MOB4: variants seen among roughly 807,000 people sequenced by gnomAD.
The protein encoded by MOB4 is MOB family member 4, phocein.
In MOB4, 4 loss-of-function variants were observed where a neutral mutation model predicts 32.2. The observed-to-expected ratio is 0.12, with a 90% CI of 0.06 to 0.28. MOB4 has a LOEUF of 0.28. Among genes scored for constraint, MOB4 ranks in the 10% least tolerant of loss-of-function variants. The pLI, the probability that MOB4 is intolerant of heterozygous loss-of-function variation, is 1.00. For synonymous variants in MOB4, 88 were observed against 88.1 expected (o/e 1.00, Z 0.01); for missense variants, 158 against 271.2 (o/e 0.58, Z 2.93).
rs1425316235 is a variant in MOB4, at chr2:197,553,138, A to G, written c.*2492A>G. The stretch of plus-strand genomic sequence containing the variant: ...TTAACAACTTTTACTATCAGAATAC[A>G]ATTAGAAATCCTTGGTCAGGCACAG... On this transcript the variant is annotated 3_prime_UTR_variant, in exon 8 of 8. Transcript: ENST00000323303. The G allele has an allele frequency of 2.0e-5, 3 of 152,208 alleles. No homozygotes were observed. Among genetic ancestry groups the G allele is most frequent in the African/African-American group, 7.2e-5 (3 of 41,440 alleles). 9.4% of individuals were successfully genotyped at this position (152,208 alleles called of 1,614,324 possible).
intron 6 of MOB4, among the ~76,000 whole-genome samples, chr2:197,549,875 A>AAG (rs1553592539): frequency 2.0e-5 from 3 of 151,422 alleles, no homozygotes; most frequent in Non-Finnish European, 4.4e-5. Context: ...AAAAAAAAAA[A>AAG]AAAAGAAAAG....
chr2:197,551,488 A>G lies in MOB4; in HGVS notation c.*842A>G, dbSNP rs2087097076. On this transcript the variant is annotated 3_prime_UTR_variant, in exon 8 of 8. Transcript: ENST00000323303. The stretch of plus-strand genomic sequence containing the variant: ...GATTATACCTCATATTAGCAATTAC[A>G]TTACACTACAAGAAAATGTATTTGC... The G allele has an allele frequency of 6.5e-6, 1 of 152,794 alleles. No individual in the cohort carries two copies. The highest frequency in any genetic ancestry group is 1.5e-5 in the Non-Finnish European group (1 of 68,024). The allele number at this position is 152,794 out of a possible 1,614,324, so 9.5% of individuals were successfully genotyped here.
chr2:197,528,061 T>C (rs1401847770), intron 2 of MOB4, among the ~76,000 whole-genome samples: 1 of 152,218 alleles, frequency 6.6e-6, no homozygotes, highest in Non-Finnish European at 1.5e-5. Context: ...AAGTTTCTTG[T>C]AGACAGCATA....
chr2:197,516,814 G>T (rs1485294523), intron 1 of MOB4: 2 of 451,734 alleles, frequency 4.4e-6, no homozygotes. Context: ...TTATAATTTT[G>T]TCAGCTTTTT....
chr2:197,517,508 T>A (rs1179312182), intron 1 of MOB4, among the ~76,000 whole-genome samples: 3 of 152,214 alleles, frequency 2.0e-5, no homozygotes, highest in Non-Finnish European at 2.9e-5. Context: ...AGAAGTAGAC[T>A]TTTCTGTTCA....
upstream of MOB4, chr2:197,515,969 C>A (rs1308908819): frequency 8.4e-6 from 9 of 1,076,412 alleles, no homozygotes; most frequent in Non-Finnish European, 1.2e-5. Flanking sequence ...CAGGCTGCAG[C>A]TGTTCCGTCA....
chr2:197,544,895 G>A (rs1268191448), intron 5 of MOB4, among the ~76,000 whole-genome samples: 2 of 152,060 alleles, frequency 1.3e-5, no homozygotes, highest in African/African-American at 4.8e-5. Flanking sequence ...AGGAAAGATA[G>A]ACAATAACAA....
At chr2:197,534,244 G>T (rs1250492207) in intron 2 of MOB4, among the ~76,000 whole-genome samples, 1 of 152,210 alleles carries the variant, frequency 6.6e-6, no homozygotes, top group Non-Finnish European at 1.5e-5. Context: ...AGGCCTTATA[G>T]TTAGTAAGTT....
chr2:197,516,066 AGCCGCCTAGACGC>A lies in MOB4; in HGVS notation c.-20_-8del. ...GTCCCTACATCCGGGTACCGACTCC[AGCCGCCTAGACGC>A]TGGCACTATGGTCATGGCGGAGGGG... On this transcript the variant is annotated 5_prime_UTR_variant, in exon 1 of 8. In the 5' UTR this introduces an upstream ATG that the reference lacks. Transcript: ENST00000323303. 1 of 1,574,702 alleles carries A rather than the reference AGCCGCCTAGACGC, an allele frequency of 6.4e-7. No individual in the cohort carries two copies. Among genetic ancestry groups the A allele is most frequent in the South Asian group, 1.2e-5 (1 of 85,960 alleles).
Position 197,552,018 on chromosome 2 carries a change from G to GT in MOB4, c.*1373dup, listed in dbSNP as rs1434837088. ...GAAGGATAATTTTGAAGATGAAAAT[G>GT]TATTCATCTTAATTGTTTTTTCAAA... On this transcript the variant is annotated 3_prime_UTR_variant, in exon 8 of 8. Transcript: ENST00000323303. 6.7e-6 allele frequency: 1 copy of GT among 149,602 alleles called. No individual in the cohort carries two copies. Among genetic ancestry groups the GT allele is most frequent in the Non-Finnish European group, 1.5e-5 (1 of 67,298 alleles). 9.3% of individuals were successfully genotyped at this position (149,602 alleles called of 1,614,324 possible). A position where few individuals can be genotyped will look rare whatever the true frequency, so the allele number is the denominator to read the frequency against.
upstream of MOB4, chr2:197,516,056 T>A (rs2086403702): frequency 6.4e-7 from 1 of 1,563,296 alleles, no homozygotes; most frequent in East Asian, 2.3e-5. Flanking sequence ...TACATCCGGG[T>A]ACCGACTCCA....
chr2:197,517,988 A>G (rs1006055090), intron 1 of MOB4, among the ~76,000 whole-genome samples: 5 of 152,004 alleles, frequency 3.3e-5, no homozygotes, highest in African/African-American at 1.2e-4. Context: ...AAAAATACAA[A>G]AAATTAGCTG....
intron 5 of MOB4, among the ~76,000 whole-genome samples, chr2:197,544,472 G>T (rs2086955945): frequency 6.6e-6 from 1 of 152,182 alleles, no homozygotes; most frequent in African/African-American, 2.4e-5. Context: ...CAAAATAGCT[G>T]TCTGGGCGCG....
chr2:197,543,552 A>G (rs2086936754), intron 5 of MOB4, among the ~76,000 whole-genome samples: 1 of 152,214 alleles, frequency 6.6e-6, no homozygotes, highest in Non-Finnish European at 1.5e-5. Flanking sequence ...TACATGCTAC[A>G]ACACAGATGA....
intron 2 of MOB4, among the ~76,000 whole-genome samples, chr2:197,525,054 G>A (rs1264474072): frequency 1.3e-5 from 2 of 152,082 alleles, no homozygotes; most frequent in African/African-American, 2.4e-5. Context: ...GATAATAAAA[G>A]TAGATAGCTG....
chr2:197,515,701 G>A (rs1358315407), upstream of MOB4: 1 of 222,546 alleles, frequency 4.5e-6, no homozygotes, highest in African/African-American at 2.3e-5. Context: ...TTACTGAAAC[G>A]GTCGCCACTA....
intron 3 of MOB4, among the ~76,000 whole-genome samples, chr2:197,538,729 A>C (rs1236838282): frequency 6.6e-6 from 1 of 152,216 alleles, no homozygotes; most frequent in Non-Finnish European, 1.5e-5. Flanking sequence ...GAATCAACTT[A>C]ATTTTGCTTT....
At chr2:197,524,387 C>T (rs1026540687) in intron 2 of MOB4, among the ~76,000 whole-genome samples, 8 of 151,900 alleles carry the variant, frequency 5.3e-5, no homozygotes, top group Non-Finnish European at 1.0e-4. Context: ...AAAAAATTAG[C>T]CAGACATGGT....
intron 5 of MOB4, among the ~76,000 whole-genome samples, chr2:197,547,226 C>T (rs1311101556): frequency 6.6e-6 from 1 of 152,122 alleles, no homozygotes; most frequent in African/African-American, 2.4e-5. Flanking sequence ...CTTGCCGTTG[C>T]TGGGAAAATC....
Sources: allele counts gnomAD v4.1 joint callset (sites outside exome capture counted in the v4.1 genomes callset), GRCh38; gene constraint gnomAD v4.1.1; transcripts MANE v1.5; gene names NCBI Gene and HGNC (gene_info 2026-07-23, HGNC 2026-07-21).